Variants in PI4KA observed in about 807,000 individuals in gnomAD.
PI4KA encodes the protein PI4-kinase alpha.
Under a neutral mutation model 271.4 loss-of-function variants are expected in PI4KA, and 122 were observed. That is an observed-to-expected ratio of 0.45 (90% CI 0.39 to 0.52). The LOEUF is 0.52. PI4KA is among the 20% of genes least tolerant of loss of function. The pLI is 0.00. For missense variants in PI4KA, 1,969 were observed against 2,769.1 expected, an observed-to-expected ratio of 0.71 and a Z score of 6.48; for synonymous variants, 1,041 against 1,078.8, an observed-to-expected ratio of 0.96 and a Z score of 0.69.
At position 20,764,968 on chromosome 22, in the gene PI4KA, T is replaced by A; in HGVS notation, c.2575-18A>T. ...AGCTCAGCCTGGAGGGAGAGAAACA[T>A]CCGAGGGCTCATGGGGCATCCCCCA... is the stretch of plus-strand genomic sequence containing the variant. On this transcript the variant is annotated intron_variant, in intron 21 of 54. Coordinates refer to ENST00000255882, the MANE Select transcript of PI4KA (RefSeq NM_058004.4). The A allele has an allele frequency of 4.4e-6, 7 of 1,597,352 alleles. No homozygotes were observed. Among genetic ancestry groups the A allele is most frequent in the East Asian group, 2.2e-5 (1 of 44,518 alleles).
chr22:20,802,567 G>A (rs981677272), intron 13 of PI4KA, among the ~76,000 whole-genome samples: 1 of 152,166 alleles, frequency 6.6e-6, no homozygotes, highest in Non-Finnish European at 1.5e-5. Flanking sequence ...ATAGGGTCTT[G>A]CTCTGTCACC....
intron 19 of PI4KA, among the ~76,000 whole-genome samples, chr22:20,767,618 A>G (rs1361337295): frequency 6.6e-6 from 1 of 151,856 alleles, no homozygotes; most frequent in Non-Finnish European, 1.5e-5. Flanking sequence ...GTGCTCCACC[A>G]TGTCCAGCTA....
rs376382997 is a variant in PI4KA at position 20,804,544 on chromosome 22, G to A, written c.1361-144C>T. 3.3e-4 allele frequency: 218 copies of A among 654,504 alleles called. 2 individuals carry two copies. In the South Asian group the frequency reaches 3.5e-3, roughly 11 times the overall value. The allele number at this position is 654,504 out of a possible 1,614,324, so 40.5% of individuals were successfully genotyped here. ...CTTATTCATACTGAGAGGTCACACAGTGTGTGACACTCTCTCTCTCTTCTC... is the reference window on the plus strand; with the variant it reads ...CTTATTCATACTGAGAGGTCACACAATGTGTGACACTCTCTCTCTCTTCTC... On this transcript the variant is annotated intron_variant, in intron 11 of 54. Coordinates refer to ENST00000255882, the MANE Select transcript of PI4KA (RefSeq NM_058004.4).
chr22:20,740,256 T>C (rs1929263744), intron 32 of PI4KA, among the ~76,000 whole-genome samples: 1 of 151,254 alleles, frequency 6.6e-6, no homozygotes, highest in Admixed American at 6.6e-5. Context: ...AGTGAACTGG[T>C]ATACAGGTTA....
chr22:20,713,155 C>A (rs1207323025), intron 48 of PI4KA, 126 bp downstream of exon 48: 12 of 803,564 alleles, frequency 1.5e-5, no homozygotes, highest in Non-Finnish European at 2.5e-5. Context: ...CCCCGTGGCA[C>A]CTGAACCATA....
chr22:20,743,407 G>A (rs991294176), intron 30 of PI4KA, among the ~76,000 whole-genome samples: 1 of 152,032 alleles, frequency 6.6e-6, no homozygotes, highest in Non-Finnish European at 1.5e-5. Flanking sequence ...GCCTCCCTAA[G>A]TGCTGGGATT....
chr22:20,773,704 C>A (rs1040205459), intron 19 of PI4KA, among the ~76,000 whole-genome samples: 1 of 152,194 alleles, frequency 6.6e-6, no homozygotes, highest in Non-Finnish European at 1.5e-5. Context: ...CCACATCAGT[C>A]CTGGAGAGCA....
intron 42 of PI4KA, among the ~76,000 whole-genome samples, chr22:20,722,515 G>T (rs959055675): frequency 6.6e-6 from 1 of 152,048 alleles, no homozygotes; most frequent in Non-Finnish European, 1.5e-5. Context: ...GTGTGAAAAT[G>T]GACTAATATA....
intron 36 of PI4KA, among the ~76,000 whole-genome samples, chr22:20,731,785 C>G (rs1480164523): frequency 6.6e-6 from 1 of 151,998 alleles, no homozygotes; most frequent in East Asian, 1.9e-4. Flanking sequence ...AAAAATTAGC[C>G]AGGTGTGGTA....
chr22:20,846,519 G>T (rs1926277273), intron 1 of PI4KA, among the ~76,000 whole-genome samples: 1 of 152,008 alleles, frequency 6.6e-6, no homozygotes, highest in Non-Finnish European at 1.5e-5. Context: ...ACGCACGCTG[G>T]GGCCTGTGAG....
At chr22:20,793,523 C>A (rs1934781781) in intron 18 of PI4KA, 1 of 348,234 alleles carries the variant, frequency 2.9e-6, no homozygotes, top group Non-Finnish European at 5.3e-6. Flanking sequence ...TAAAATACAA[C>A]TTTCTGAAAA....
intron 25 of PI4KA, 75 bp from the exon 26 acceptor site, chr22:20,751,830 T>A (rs1930732465): frequency 7.5e-7 from 1 of 1,331,022 alleles, no homozygotes; most frequent in African/African-American, 1.4e-5. Context: ...CCCCCTCAGC[T>A]GCCAGCCCGA....
rs1386139263 is a variant in PI4KA at position 20,824,351 on chromosome 22, T to C, written c.431A>G (p.Tyr144Cys). ...CLVTLLSDVA[Y>C]RDPSLRDEIL... is the part of the protein sequence containing the mutation. Reference sequence around the variant, plus strand: ...CTCATCCCTAAGTGAAGGATCCCTATAGGCCACATCAGACAGCAGAGTTAC... The same window carrying C: ...CTCATCCCTAAGTGAAGGATCCCTACAGGCCACATCAGACAGCAGAGTTAC... The change falls in exon 4 of 55, where the codon TAT becomes TGT. Residue 144 changes from tyrosine to cysteine, a missense_variant. This residue lies in a region of PI4KA where 540 missense variants were observed against 555.5 expected (regional missense o/e 0.97). Transcript: ENST00000255882. The C allele has an allele frequency of 6.8e-6, 11 of 1,612,996 alleles. No homozygotes were observed. The highest frequency in any genetic ancestry group is 1.3e-5 in the African/African-American group (1 of 74,862).
At chr22:20,780,234 C>T (rs1295350242) in intron 19 of PI4KA, 1 of 1,614,082 alleles carries the variant, frequency 6.2e-7, no homozygotes, top group Non-Finnish European at 8.5e-7. Flanking sequence ...TCACAGCAAA[C>T]CCACAACATA....
chr22:20,726,658 G>T, intron 41 of PI4KA, 117 bp from the exon 42 acceptor site: 1 of 894,474 alleles, frequency 1.1e-6, no homozygotes, highest in Non-Finnish European at 1.7e-6. Flanking sequence ...ACTGGGGAAA[G>T]CCCAGAGGAT....
chr22:20,833,333 G>A (rs113348901), intron 3 of PI4KA, among the ~76,000 whole-genome samples: 188 of 152,312 alleles, frequency 1.2e-3, no homozygotes, highest in African/African-American at 4.1e-3. Context: ...GCACTCTGTC[G>A]GATAGTGGCA....
At chr22:20,796,432 C>T (rs1469671958) in intron 17 of PI4KA, 118 bp from the exon 18 acceptor site, 33 of 807,404 alleles carry the variant, frequency 4.1e-5, no homozygotes, top group African/African-American at 8.6e-5. Flanking sequence ...TACCACACTC[C>T]TCCCAGTGTC....
chr22:20,738,503 C>T (rs1336581686), intron 32 of PI4KA, among the ~76,000 whole-genome samples: 1 of 152,204 alleles, frequency 6.6e-6, no homozygotes, highest in African/African-American at 2.4e-5. Flanking sequence ...ACTGTTCCCA[C>T]GCTGAGATGC....
intron 1 of PI4KA, among the ~76,000 whole-genome samples, chr22:20,839,088 A>G (rs1925239521): frequency 6.6e-6 from 1 of 152,070 alleles, no homozygotes; most frequent in African/African-American, 2.4e-5. Context: ...GTGGTGGCGC[A>G]CACCTATCGT....
Sources: gnomAD v4.1 joint callset for allele counts (sites outside exome capture counted in the v4.1 genomes callset) on GRCh38, gnomAD v4.1.1 for gene constraint, gnomAD v4.1.1 regional missense constraint, MANE v1.5 for transcripts, NCBI Gene and HGNC (gene_info 2026-07-23, HGNC 2026-07-21) for gene names.